The following BRF1 variants were observed in gnomAD, a reference collection of about 807,000 sequenced individuals.
The protein encoded by BRF1 is BRF1 general transcription factor IIIB subunit.
In BRF1, 59 loss-of-function variants were observed where a neutral mutation model predicts 81.7. That is an observed-to-expected ratio of 0.72 (90% CI 0.59 to 0.90). The LOEUF is 0.90. Ranked by LOEUF, BRF1 falls within the 40% of genes least tolerant of loss-of-function variation. The pLI is 0.00. For missense variants in BRF1, 1,050 were observed against 936.3 expected (o/e 1.12, Z -1.58); for synonymous variants, 491 against 395.6 (o/e 1.24, Z -2.86).
At chr14:105,257,826 A>G (rs1241547789) in intron 3 of BRF1, among the ~76,000 whole-genome samples, 1 of 151,758 alleles carries the variant, frequency 6.6e-6, no homozygotes, top group Non-Finnish European at 1.5e-5. Flanking sequence ...CCAAGCATAC[A>G]CCTTCCGGAA....
At chr14:105,229,445 C>T (rs1241289898) in intron 6 of BRF1, among the ~76,000 whole-genome samples, 1 of 152,240 alleles carries the variant, frequency 6.6e-6, no homozygotes, top group Non-Finnish European at 1.5e-5. Context: ...GTAGAGTGGA[C>T]TCTGTGGGCA....
intron 5 of BRF1, among the ~76,000 whole-genome samples, chr14:105,243,706 A>G (rs1382738491): frequency 1.3e-5 from 2 of 152,124 alleles, no homozygotes; most frequent in Non-Finnish European, 1.5e-5. Flanking sequence ...ACTGGTAAAT[A>G]TATCAACGGC....
chr14:105,215,547 G>GCACACA (rs957969023), intron 15 of BRF1, among the ~76,000 whole-genome samples: 1 of 149,682 alleles, frequency 6.7e-6, no homozygotes, highest in Non-Finnish European at 1.5e-5. Flanking sequence ...ACAGACACAG[G>GCACACA]CACACACACA....
intron 1 of BRF1, among the ~76,000 whole-genome samples, chr14:105,286,881 C>G (rs2057334390): frequency 6.6e-6 from 1 of 152,262 alleles, no homozygotes; most frequent in Non-Finnish European, 1.5e-5. Context: ...ACCTCCAAAC[C>G]TCTGCAAGTG....
At position 105,221,669 on chromosome 14, in the gene BRF1, A is replaced by G. The variant is rs1219041748; in HGVS notation, c.1294T>C (p.Ser432Pro). Residue 432 changes from serine (S) to proline (P), a missense_variant, in exon 11 of 18, where the codon TCC becomes CCC. Ser to Pro is a moderately conservative substitution (Grantham distance 74). This residue lies in a region of BRF1 where 1,043 missense variants were observed against 915.4 expected (regional missense o/e 1.14). Coordinates refer to ENST00000547530, the MANE Select transcript of BRF1 (RefSeq NM_001519.4). ...TCACTGGGGTCGCTGCTCTGAGAGG[A>G]GATGCATTCGCGGATGGAGTCTGAG... ...GISDSIRECI[S>P]SQSSDPKDAS... 2 of 1,611,074 alleles carry G rather than the reference A, an allele frequency of 1.2e-6. No individual in the cohort carries two copies. The highest frequency in any genetic ancestry group is 8.5e-7 in the Non-Finnish European group (1 of 1,179,694).
intron 2 of BRF1, among the ~76,000 whole-genome samples, chr14:105,282,676 T>G (rs1033973103): frequency 2.0e-5 from 3 of 152,224 alleles, no homozygotes; most frequent in African/African-American, 7.2e-5. Flanking sequence ...CTCACACCTC[T>G]AATTCAAGCA....
intron 5 of BRF1, chr14:105,249,258 G>C: frequency 6.4e-7 from 1 of 1,567,006 alleles, no homozygotes; most frequent in Non-Finnish European, 8.6e-7. Context: ...GTGGGTAGCG[G>C]CGGCCCCTCT....
chr14:105,229,567 C>CAA (rs1032037188), intron 6 of BRF1, among the ~76,000 whole-genome samples: 33 of 152,210 alleles, frequency 2.2e-4, no homozygotes, highest in Non-Finnish European at 4.3e-4. Flanking sequence ...GCACCAAGGG[C>CAA]AAAGTGAGAG....
At chr14:105,273,309 A>G (rs1299931246) in intron 2 of BRF1, among the ~76,000 whole-genome samples, 2 of 152,034 alleles carry the variant, frequency 1.3e-5, no homozygotes, top group African/African-American at 4.8e-5. Context: ...GCCTTCCCCA[A>G]CCGCACAGAG....
chr14:105,246,961 C>T (rs745947815), intron 5 of BRF1: 28 of 985,374 alleles, frequency 2.8e-5, no homozygotes, highest in Non-Finnish European at 3.4e-5. Context: ...CACTGCATTC[C>T]CCAAATGGAC....
At chr14:105,260,476 A>C (rs1372729047) in intron 3 of BRF1, among the ~76,000 whole-genome samples, 1 of 151,842 alleles carries the variant, frequency 6.6e-6, no homozygotes, top group Non-Finnish European at 1.5e-5. Context: ...GGTTCAAGCG[A>C]TTCTCCTGCC....
rs758769277 is a variant in BRF1, at chr14:105,209,602, C to A, written c.*949G>T. 8.5e-6 allele frequency: 6 copies of A among 702,166 alleles called. No individual in the cohort carries two copies. The highest frequency in any genetic ancestry group is 2.3e-4 in the Middle Eastern group (1 of 4,344). 43.5% of individuals were successfully genotyped at this position (702,166 alleles called of 1,614,324 possible). ...TACGAGTGGTACTGGGGCCTTCCCA[C>A]GAAGAGGCCTGGGGAGGCTCTCGGG... On this transcript the variant is annotated 3_prime_UTR_variant, in exon 18 of 18. Transcript: ENST00000547530.
At chr14:105,266,539 A>G (rs587604920) in intron 3 of BRF1, among the ~76,000 whole-genome samples, 20 of 152,346 alleles carry the variant, frequency 1.3e-4, no homozygotes, top group African/African-American at 4.8e-4. Context: ...TTTTCATGAC[A>G]AAAACTCTTG....
intron 15 of BRF1, among the ~76,000 whole-genome samples, chr14:105,216,450 T>C (rs1891322239): frequency 1.3e-5 from 2 of 152,142 alleles, no homozygotes; most frequent in Admixed American, 1.3e-4. Context: ...GTGCTAGGAA[T>C]GCACCCCCAG....
At chr14:105,302,729 G>C (rs2058078003), upstream of BRF1, among the ~76,000 whole-genome samples, 1 of 152,170 alleles carries the variant, frequency 6.6e-6, no homozygotes. Context: ...GGAACTACAG[G>C]CATGTGCCAC....
intron 5 of BRF1, chr14:105,250,479 T>A (rs772447408): frequency 6.2e-7 from 1 of 1,613,932 alleles, no homozygotes; most frequent in Non-Finnish European, 8.5e-7. Flanking sequence ...GAACACCCGG[T>A]CCAGGTTGAA....
At chr14:105,227,412 ATC>A (rs1182807801) in intron 7 of BRF1, 1 of 152,422 alleles carries the variant, frequency 6.6e-6, no homozygotes, top group Non-Finnish European at 1.5e-5. Flanking sequence ...AAGAGCGAAA[ATC>A]TGTGTCAAAA....
intron 1 of BRF1, among the ~76,000 whole-genome samples, chr14:105,293,468 C>G (rs755416216): frequency 1.3e-5 from 2 of 152,234 alleles, no homozygotes; most frequent in South Asian, 2.1e-4. Flanking sequence ...TTGCACAGGA[C>G]GAGGAGGGAC....
At chr14:105,217,494 G>A (rs754313389) in intron 15 of BRF1, 50 bp downstream of exon 15, 2 of 1,587,634 alleles carry the variant, frequency 1.3e-6, no homozygotes, top group South Asian at 1.1e-5. Context: ...ATGGGCCTCT[G>A]CCCGCCCTGG....
Sources: allele counts gnomAD v4.1 joint callset (sites outside exome capture counted in the v4.1 genomes callset), GRCh38; gene constraint gnomAD v4.1.1; regional missense constraint gnomAD v4.1.1; transcripts MANE v1.5; gene names NCBI Gene and HGNC (gene_info 2026-07-23, HGNC 2026-07-21).